JCAD: variants seen among roughly 807,000 people sequenced by gnomAD.
JCAD encodes the protein junctional cadherin 5-associated protein.
In JCAD, 40 loss-of-function variants were observed where a neutral mutation model predicts 98.0. The ratio of observed to expected loss-of-function variants is 0.41; its 90% CI spans 0.32 to 0.53. The LOEUF (loss-of-function observed/expected upper bound fraction) is 0.53, where lower values mean the gene tolerates loss of function less well. Among genes scored for constraint, JCAD ranks in the 20% least tolerant of loss-of-function variants. The pLI is 0.31. For synonymous variants in JCAD, 691 were observed against 682.3 expected, an observed-to-expected ratio of 1.01 and a Z score of -0.20; for missense variants, 1,705 against 1,738.1, an observed-to-expected ratio of 0.98 and a Z score of 0.34.
chr10:30,083,547 AAG>A (rs1838120110), intron 1 of JCAD, among the ~76,000 whole-genome samples: 1 of 152,324 alleles, frequency 6.6e-6, no homozygotes, highest in South Asian at 2.1e-4. Context: ...ATAGAGACAA[AAG>A]AGTTCTTTGT....
At chr10:30,112,521 A>T (rs12245803) in intron 1 of JCAD, among the ~76,000 whole-genome samples, 11,447 of 152,158 alleles carry the variant, frequency 0.075, 645 homozygotes, top group African/African-American at 0.15. Flanking sequence ...AAAAAATTAC[A>T]ATGCTAAGTG....
At chr10:30,079,403 GCAA>G (rs769916196) in intron 1 of JCAD, among the ~76,000 whole-genome samples, 2 of 151,818 alleles carry the variant, frequency 1.3e-5, no homozygotes, top group East Asian at 3.9e-4. Flanking sequence ...TGGTGAACTG[GCAA>G]CAGAGAGCAA....
chr10:30,070,886 GT>G (rs1489996952), intron 1 of JCAD, among the ~76,000 whole-genome samples: 2 of 152,248 alleles, frequency 1.3e-5, no homozygotes, highest in Admixed American at 1.3e-4. Context: ...TTAATACAGT[GT>G]TTTTGTTGTT....
chr10:30,110,918 C>G (rs1838686536), intron 1 of JCAD, among the ~76,000 whole-genome samples: 1 of 151,766 alleles, frequency 6.6e-6, no homozygotes, highest in African/African-American at 2.4e-5. Context: ...ATGTATGCCT[C>G]TCTCCCAACC....
Position 30,047,565 on chromosome 10 carries a change from T to C in JCAD, c.248A>G (p.Gln83Arg), listed in dbSNP as rs140479547. 5.5e-4 allele frequency: 881 copies of C among 1,613,854 alleles called. 2 individuals carry two copies. The African/African-American group carries it at 9.8e-3, about 18-fold the overall frequency. ...CGAGGTTCTGGAAGCAGAAGTGCTC[T>C]GGGGCTCCCCGTGGCCTCTCGGTGT... Reference protein sequence around the residue: ...RSTPRGHGEPQSTSASRTSEA... With the variant: ...RSTPRGHGEPRSTSASRTSEA... The change falls in exon 2 of 4, where the codon CAG (glutamine) becomes CGG (arginine). Residue 83 changes from glutamine to arginine, a missense_variant. Transcript: ENST00000375377.
chr10:30,066,725 CTT>C (rs112047620), intron 2 of JCAD, among the ~76,000 whole-genome samples: 5,790 of 152,252 alleles, frequency 0.038, 250 homozygotes, highest in African/African-American at 0.097. Context: ...CCCCATATGA[CTT>C]TTTGTTTTTA....
At chr10:30,024,835 A>G (rs1346501594) in intron 3 of JCAD, among the ~76,000 whole-genome samples, 2 of 151,756 alleles carry the variant, frequency 1.3e-5, no homozygotes, top group Non-Finnish European at 2.9e-5. Flanking sequence ...AGCTGAGACT[A>G]CAGGCGCCCG....
rs978393095 is a variant in JCAD, at chr10:30,016,134, C to T, written c.*1749G>A. 1 of 152,210 alleles carries T rather than the reference C, an allele frequency of 6.6e-6. No homozygotes were observed. Among genetic ancestry groups the T allele is most frequent in the African/African-American group, 2.4e-5 (1 of 41,452 alleles). 9.4% of individuals were successfully genotyped at this position (152,210 alleles called of 1,614,324 possible). On this transcript the variant is annotated 3_prime_UTR_variant, in exon 4 of 4. Transcript: ENST00000375377. The stretch of plus-strand genomic sequence containing the variant: ...TGTTTTGTTTGTTACAGTCCAAATA[C>T]ATAAAGTTATTATGAAATAAAATCA...
At chr10:30,050,338 A>G (rs938470335) in intron 1 of JCAD, among the ~76,000 whole-genome samples, 26 of 150,174 alleles carry the variant, frequency 1.7e-4, no homozygotes, top group African/African-American at 5.9e-4. Context: ...AAAAAAAAAA[A>G]AAAAGAAAGA....
intron 1 of JCAD, among the ~76,000 whole-genome samples, chr10:30,076,505 G>A (rs1225042139): frequency 6.6e-6 from 1 of 152,046 alleles, no homozygotes; most frequent in Non-Finnish European, 1.5e-5. Flanking sequence ...CTTTGAACTA[G>A]GATTATCCCT....
intron 2 of JCAD, among the ~76,000 whole-genome samples, chr10:30,064,684 T>C (rs181251256): frequency 6.6e-6 from 1 of 151,992 alleles, no homozygotes; most frequent in Admixed American, 6.5e-5. Context: ...TTTTTTTTTT[T>C]CTTTTGAGAT....
At chr10:30,046,963 A>C (rs1379164770) in intron 2 of JCAD, among the ~76,000 whole-genome samples, 1 of 151,904 alleles carries the variant, frequency 6.6e-6, no homozygotes, top group Non-Finnish European at 1.5e-5. Flanking sequence ...GGTTGTGTGC[A>C]CCTGGCCCAG....
chr10:30,017,755 G>T lies in JCAD; in HGVS notation c.*128C>A. 2 of 812,908 alleles carry T rather than the reference G, an allele frequency of 2.5e-6. No individual in the cohort carries two copies. The highest frequency in any genetic ancestry group is 2.2e-4 in the Middle Eastern group (1 of 4,544). The allele number at this position is 812,908 out of a possible 1,614,324, so 50.4% of individuals were successfully genotyped here. A position where few individuals can be genotyped will look rare whatever the true frequency, so the allele number is the denominator to read the frequency against. Reference sequence around the variant, plus strand: ...TTTCCTAGTGGCAGTGGTAAAGAATGTTATCAGGATGCTAAAAACTCAGCA... The same window carrying T: ...TTTCCTAGTGGCAGTGGTAAAGAATTTTATCAGGATGCTAAAAACTCAGCA... On this transcript the variant is annotated 3_prime_UTR_variant, in exon 4 of 4. Transcript: ENST00000375377.
intron 2 of JCAD, among the ~76,000 whole-genome samples, chr10:30,065,300 G>A (rs938286124): frequency 2.0e-5 from 3 of 152,060 alleles, no homozygotes; most frequent in African/African-American, 7.2e-5. Flanking sequence ...GGTGATGGAT[G>A]TCCCTATTAC....
chr10:30,019,249 C>G (rs1056684164), intron 3 of JCAD, among the ~76,000 whole-genome samples: 3 of 149,944 alleles, frequency 2.0e-5, no homozygotes, highest in African/African-American at 4.9e-5. Context: ...CCCAGCTACT[C>G]GGGAGGCTGA....
intron 2 of JCAD, among the ~76,000 whole-genome samples, chr10:30,030,663 G>C (rs1836972585): frequency 6.6e-6 from 1 of 152,126 alleles, no homozygotes; most frequent in Admixed American, 6.5e-5. Flanking sequence ...TGCTAAGAGA[G>C]AGATTGCTGG....
At chr10:30,108,813 C>T (rs1182170528) in intron 1 of JCAD, among the ~76,000 whole-genome samples, 1 of 151,630 alleles carries the variant, frequency 6.6e-6, no homozygotes, top group Non-Finnish European at 1.5e-5. Flanking sequence ...AGAGAAAATC[C>T]CTGTGAAATA....
chr10:30,074,965 T>A (rs1054648153), intron 1 of JCAD, among the ~76,000 whole-genome samples: 43 of 152,126 alleles, frequency 2.8e-4, no homozygotes, highest in South Asian at 2.1e-4. Context: ...GCTAATTTTT[T>A]AATTTTTGTA....
In JCAD at chr10:30,047,733, G is replaced by A; in HGVS notation, c.80C>T (p.Pro27Leu). 2 of 1,614,192 alleles carry A rather than the reference G, an allele frequency of 1.2e-6. No homozygotes were observed. The highest frequency in any genetic ancestry group is 1.7e-6 in the Non-Finnish European group (2 of 1,180,036). ...AGTCCTCGCTGCCTGGCGCCCCTTGGGGTTATCCTCGCGTGATGCTGGGGG... is the reference window on the plus strand; with the variant it reads ...AGTCCTCGCTGCCTGGCGCCCCTTGAGGTTATCCTCGCGTGATGCTGGGGG... ...RDPPASREDNPKGRQAARTGT... is the reference protein window; with the variant it reads ...RDPPASREDNLKGRQAARTGT... Residue 27 changes from proline (P) to leucine (L), a missense_variant, in exon 2 of 4, where the codon CCC (proline) becomes CTC (leucine). Transcript: ENST00000375377.
Sources: allele counts gnomAD v4.1 joint callset (sites outside exome capture counted in the v4.1 genomes callset), GRCh38; gene constraint gnomAD v4.1.1; transcripts MANE v1.5; gene names NCBI Gene and HGNC (gene_info 2026-07-23, HGNC 2026-07-21).